STARD13: variants seen among roughly 807,000 people sequenced by gnomAD.
STARD13 encodes StAR related lipid transfer domain containing 13.
STARD13 carries 62 observed loss-of-function variants against 106.4 expected under a neutral mutation model. The observed-to-expected ratio is 0.58, with a 90% CI of 0.48 to 0.72. The LOEUF (loss-of-function observed/expected upper bound fraction) is 0.72. Among genes scored for constraint, STARD13 ranks in the 30% least tolerant of loss-of-function variants. The pLI is 0.00. For missense variants in STARD13, 1,387 were observed against 1,424.0 expected, an observed-to-expected ratio of 0.97 and a Z score of 0.42; for synonymous variants, 565 against 553.0, an observed-to-expected ratio of 1.02 and a Z score of -0.31.
intron 1 of STARD13, among the ~76,000 whole-genome samples, chr13:33,194,307 T>C (rs1196886352): frequency 6.6e-6 from 1 of 152,174 alleles, no homozygotes; most frequent in African/African-American, 2.4e-5. Context: ...TAAATGAATT[T>C]TGGTAAATAA....
At chr13:33,338,209 A>G (rs1188646652) in intron 1 of STARD13, among the ~76,000 whole-genome samples, 2 of 152,236 alleles carry the variant, frequency 1.3e-5, no homozygotes, top group African/African-American at 4.8e-5. Context: ...TCTCTCAACT[A>G]TCAGACCAAC....
chr13:33,651,157 G>A, the STARD13 span, among the ~76,000 whole-genome samples: 21 of 151,998 alleles, frequency 1.4e-4, no homozygotes, highest in African/African-American at 5.1e-4. Context: ...AAAAAGCTAG[G>A]GATGTAGCAA....
At chr13:33,579,177 T>A in the STARD13 span, among the ~76,000 whole-genome samples, 1 of 152,048 alleles carries the variant, frequency 6.6e-6, no homozygotes, top group Admixed American at 6.6e-5. Context: ...AAATAAATAA[T>A]TATGTCAAAA....
At chr13:33,300,533 C>T (rs942485813) in intron 1 of STARD13, among the ~76,000 whole-genome samples, 1 of 152,152 alleles carries the variant, frequency 6.6e-6, no homozygotes, top group Non-Finnish European at 1.5e-5. Context: ...TTTATGACTG[C>T]AGGATCAGTC....
rs1383597179 is a variant in STARD13, at chr13:33,162,004, C to T, written c.323+3333G>A. Among the ~76,000 whole-genome samples, 6 of 152,180 alleles carry T rather than the reference C, an allele frequency of 3.9e-5. No homozygotes were observed. The East Asian group carries it at 1.2e-3, about 29-fold the overall frequency. ...CAAATTATCTCCCACCGGGTCCCTC[C>T]TATAACATGTGGCAATTATGGGAAT... On this transcript the variant is annotated intron_variant, in intron 3 of 13. Transcript: ENST00000336934.
At chr13:33,312,027 C>T (rs1469471673) in intron 1 of STARD13, among the ~76,000 whole-genome samples, 18 of 152,210 alleles carry the variant, frequency 1.2e-4, no homozygotes, top group Admixed American at 1.2e-3. Context: ...ATTGGATATG[C>T]AGTTCGTGTC....
intron 1 of STARD13, among the ~76,000 whole-genome samples, chr13:33,244,859 C>T (rs536726501): frequency 1.3e-5 from 2 of 152,304 alleles, no homozygotes; most frequent in African/African-American, 4.8e-5. Context: ...TGCCAACATA[C>T]AGAACTGTGA....
chr13:33,402,618 T>C, the STARD13 span, among the ~76,000 whole-genome samples: 43 of 152,176 alleles, frequency 2.8e-4, no homozygotes, highest in Admixed American at 1.5e-3. Flanking sequence ...TATCCCCCTA[T>C]CCTGTACCCA....
the STARD13 span, among the ~76,000 whole-genome samples, chr13:33,675,475 T>C: frequency 3.3e-5 from 5 of 152,166 alleles, no homozygotes; most frequent in East Asian, 1.9e-4. Flanking sequence ...ACCTACTCAA[T>C]ATGTAGGTAG....
At chr13:33,364,580 A>T in the STARD13 span, among the ~76,000 whole-genome samples, 1 of 152,106 alleles carries the variant, frequency 6.6e-6, no homozygotes, top group African/African-American at 2.4e-5. Context: ...TTTAAAGGAG[A>T]ATAGAATAAC....
At chr13:33,612,808 C>A in the STARD13 span, among the ~76,000 whole-genome samples, 1 of 152,318 alleles carries the variant, frequency 6.6e-6, no homozygotes, top group Non-Finnish European at 1.5e-5. Flanking sequence ...GTGGCCTGGA[C>A]TTCTCAGAGT....
At chr13:33,283,724 A>C (rs1260132094) in intron 1 of STARD13, among the ~76,000 whole-genome samples, 1 of 152,192 alleles carries the variant, frequency 6.6e-6, no homozygotes, top group Non-Finnish European at 1.5e-5. Context: ...GGAATTCTCA[A>C]ATTACCTAAT....
chr13:33,478,830 T>G, the STARD13 span, among the ~76,000 whole-genome samples: 1 of 152,128 alleles, frequency 6.6e-6, no homozygotes, highest in African/African-American at 2.4e-5. Flanking sequence ...GTGGGAGGAT[T>G]GATTAAGCTC....
the STARD13 span, among the ~76,000 whole-genome samples, chr13:33,382,948 A>G: frequency 2.2e-4 from 34 of 152,332 alleles, no homozygotes; most frequent in African/African-American, 8.2e-4. Context: ...GCTTCCAGGC[A>G]GTACTTTATT....
the STARD13 span, among the ~76,000 whole-genome samples, chr13:33,436,019 G>T: frequency 1.3e-5 from 2 of 152,110 alleles, no homozygotes; most frequent in African/African-American, 4.8e-5. Flanking sequence ...TTCTGTTCCT[G>T]ACAGATCCTT....
intron 1 of STARD13, among the ~76,000 whole-genome samples, chr13:33,203,189 C>G (rs1177395089): frequency 6.6e-6 from 1 of 152,130 alleles, no homozygotes; most frequent in African/African-American, 2.4e-5. Flanking sequence ...TAGGGGCCAC[C>G]ACACACCTGT....
At chr13:33,115,546 A>G (rs1875241572) in intron 8 of STARD13, among the ~76,000 whole-genome samples, 1 of 152,168 alleles carries the variant, frequency 6.6e-6, no homozygotes, top group African/African-American at 2.4e-5. Flanking sequence ...CTTCTTCCTC[A>G]TTAAGAAAAC....
chr13:33,517,635 G>T, the STARD13 span, among the ~76,000 whole-genome samples: 1 of 152,070 alleles, frequency 6.6e-6, no homozygotes, highest in African/African-American at 2.4e-5. Flanking sequence ...TAATTAAAAG[G>T]GATGGCCAAA....
downstream of STARD13, among the ~76,000 whole-genome samples, chr13:33,347,242 ATTTC>A (rs1364524311): frequency 1.3e-5 from 2 of 151,330 alleles, no homozygotes; most frequent in Non-Finnish European, 3.0e-5. Flanking sequence ...TACCCTTTCT[ATTTC>A]TTTTTTTGAG....
Sources: allele counts gnomAD v4.1 joint callset (sites outside exome capture counted in the v4.1 genomes callset), GRCh38; gene constraint gnomAD v4.1.1; transcripts MANE v1.5; gene names NCBI Gene and HGNC (gene_info 2026-07-23, HGNC 2026-07-21).